ZNF286A: variants seen among roughly 807,000 people sequenced by gnomAD.
ZNF286A encodes the protein zinc finger protein ZNF286.
Under a neutral mutation model 49.3 loss-of-function variants are expected in ZNF286A, and 34 were observed. That is an observed-to-expected ratio of 0.69 (90% CI 0.52 to 0.92). The LOEUF (loss-of-function observed/expected upper bound fraction) is 0.92. Among genes scored for constraint, ZNF286A ranks in the 40% least tolerant of loss-of-function variants. The probability of loss-of-function intolerance (pLI) is 0.00; values close to 1 mark genes in which losing one functional copy is unlikely to be tolerated. For synonymous variants in ZNF286A, 155 were observed against 200.4 expected, an observed-to-expected ratio of 0.77 and a Z score of 1.91; for missense variants, 462 against 600.2, an observed-to-expected ratio of 0.77 and a Z score of 2.41.
intron 5 of ZNF286A, among the ~76,000 whole-genome samples, chr17:15,711,871 G>A (rs1343379064): frequency 2.0e-5 from 1 of 50,586 alleles, no homozygotes; most frequent in South Asian, 6.4e-4. Flanking sequence ...CCCCCCCCCC[G>A]GCTTTTTTTT....
chr17:15,709,483 CTG>C (rs1430037815), intron 5 of ZNF286A, among the ~76,000 whole-genome samples: 1 of 151,760 alleles, frequency 6.6e-6, no homozygotes, highest in Non-Finnish European at 1.5e-5. Context: ...CAGAGGGAGA[CTG>C]TGTCTCAAAA....
intron 5 of ZNF286A, among the ~76,000 whole-genome samples, chr17:15,710,101 G>A (rs570608136): frequency 1.3e-5 from 2 of 152,252 alleles, no homozygotes; most frequent in Admixed American, 1.3e-4. Flanking sequence ...CCCTTTGCCT[G>A]TTTTTTGAGA....
rs530162187 is a variant in ZNF286A, at chr17:15,706,610, G to A, written c.241+109G>A. 2.6e-5 allele frequency: 20 copies of A among 757,544 alleles called. No homozygotes were observed. The Admixed American group carries it at 4.7e-4, about 18-fold the overall frequency. 46.9% of individuals were successfully genotyped at this position (757,544 alleles called of 1,614,324 possible). A position where few individuals can be genotyped will look rare whatever the true frequency, so the allele number is the denominator to read the frequency against. On this transcript the variant is annotated intron_variant, in intron 4 of 5. Coordinates refer to ENST00000583566, the MANE Select transcript of ZNF286A (RefSeq NM_001130842.2). The stretch of plus-strand genomic sequence containing the variant: ...CCTTTGCATTCAGGAGTCAAAAAGT[G>A]TTAATTCTTTTTGGCCTGTGTAGAA...
chr17:15,716,671 A>G lies in ZNF286A; in HGVS notation c.947A>G (p.His316Arg). ...TFTESSSLAT[H>R]QRIHVGERPY... ...ACAGAAAGCTCATCCCTTGCAACACATCAGAGAATTCACGTTGGAGAGAGA... is the reference window on the plus strand; with the variant it reads ...ACAGAAAGCTCATCCCTTGCAACACGTCAGAGAATTCACGTTGGAGAGAGA... Residue 316 changes from histidine (H) to arginine (R), a missense_variant, in exon 6 of 6, where the codon CAT (histidine) becomes CGT (arginine). This residue lies in a region of ZNF286A where 201 missense variants were observed against 311.3 expected (regional missense o/e 0.65). Coordinates refer to ENST00000583566, the MANE Select transcript of ZNF286A (RefSeq NM_001130842.2). 6.2e-7 allele frequency: 1 copy of G among 1,614,100 alleles called. No homozygotes were observed. Among genetic ancestry groups the G allele is most frequent in the South Asian group, 1.1e-5 (1 of 91,080 alleles).
At chr17:15,704,418 G>A in intron 3 of ZNF286A, 20 of 1,607,240 alleles carry the variant, frequency 1.2e-5, no homozygotes, top group Non-Finnish European at 1.7e-5. Context: ...CCCTGCCGCT[G>A]GGCCCGCCGG....
At chr17:15,704,757 C>T (rs1990074373) in intron 3 of ZNF286A, 8 of 1,613,950 alleles carry the variant, frequency 5.0e-6, no homozygotes, top group Admixed American at 3.3e-5. Context: ...CTTCAGGGCC[C>T]TCGATGGTGA....
chr17:15,717,371 A>T lies in ZNF286A; in HGVS notation c.*81A>T. On this transcript the variant is annotated 3_prime_UTR_variant, in exon 6 of 6. Transcript: ENST00000583566. Reference sequence around the variant, plus strand: ...GAGTGTTTAGGTGGAAGGCGCATCCATAATATGCATGTGAGGACCAATTCT... The same window carrying T: ...GAGTGTTTAGGTGGAAGGCGCATCCTTAATATGCATGTGAGGACCAATTCT... The T allele has an allele frequency of 2.8e-6, 4 of 1,417,642 alleles. 1 individual carries two copies. The highest frequency in any genetic ancestry group is 3.0e-5 in the South Asian group (2 of 67,624). The allele number at this position is 1,417,642 out of a possible 1,614,324, so 87.8% of individuals were successfully genotyped here.
At chr17:15,705,931 C>T (rs1352221479) in intron 3 of ZNF286A, among the ~76,000 whole-genome samples, 2 of 152,066 alleles carry the variant, frequency 1.3e-5, no homozygotes, top group South Asian at 2.1e-4. Flanking sequence ...CTTTTCTTTC[C>T]GTGACTTCTC....
At chr17:15,704,415 G>A (rs975049023) in intron 3 of ZNF286A, 110 of 1,606,430 alleles carry the variant, frequency 6.8e-5, no homozygotes, top group Non-Finnish European at 8.7e-5. Context: ...CGGCCCTGCC[G>A]CTGGGCCCGC....
At chr17:15,715,820 T>G (rs1251204036) in intron 5 of ZNF286A, among the ~76,000 whole-genome samples, 2 of 152,220 alleles carry the variant, frequency 1.3e-5, no homozygotes, top group Non-Finnish European at 2.9e-5. Flanking sequence ...TCTACTCTTA[T>G]ATTTTTTGTC....
At chr17:15,709,440 C>T (rs1179140603) in intron 5 of ZNF286A, among the ~76,000 whole-genome samples, 5 of 151,580 alleles carry the variant, frequency 3.3e-5, no homozygotes, top group African/African-American at 1.2e-4. Context: ...TGCAGTGAGC[C>T]GAGATCATGC....
At chr17:15,710,894 A>T (rs1361389439) in intron 5 of ZNF286A, among the ~76,000 whole-genome samples, 10 of 149,816 alleles carry the variant, frequency 6.7e-5, no homozygotes, top group African/African-American at 2.4e-4. Flanking sequence ...CAGTTTTGCT[A>T]TGCATTTTGA....
chr17:15,712,673 A>G (rs1040806058), intron 5 of ZNF286A, among the ~76,000 whole-genome samples: 1 of 152,048 alleles, frequency 6.6e-6, no homozygotes, highest in Admixed American at 6.5e-5. Context: ...TCCTTCATAT[A>G]TTTTTTGTTT....
intron 4 of ZNF286A, 39 bp downstream of exon 4, chr17:15,706,540 G>T (rs781221275): frequency 7.0e-7 from 1 of 1,427,526 alleles, no homozygotes; most frequent in Non-Finnish European, 9.5e-7. Flanking sequence ...GCTTATAGGA[G>T]CATCATTACT....
chr17:15,711,864 C>CT (rs1000202880), intron 5 of ZNF286A, among the ~76,000 whole-genome samples: 2 of 102,032 alleles, frequency 2.0e-5, no homozygotes, highest in African/African-American at 7.5e-5. Context: ...TAATCTGCCC[C>CT]CCCCCCGGCT....
At position 15,706,377 on chromosome 17, in the gene ZNF286A, T is replaced by C. The variant is rs545764883; in HGVS notation, c.127-10T>C. 6.2e-7 allele frequency: 1 copy of C among 1,609,868 alleles called. No homozygotes were observed. Among genetic ancestry groups the C allele is most frequent in the Admixed American group, 1.7e-5 (1 of 60,004 alleles). On this transcript the variant is annotated splice_polypyrimidine_tract_variant and intron_variant, in intron 3 of 5. Coordinates refer to ENST00000583566, the MANE Select transcript of ZNF286A (RefSeq NM_001130842.2). Reference sequence around the variant, plus strand: ...GGGAAAGATGTTGAAAAAAATATTTTATGTTTTAGGAAACAGTGACATTCA... The same window carrying C: ...GGGAAAGATGTTGAAAAAAATATTTCATGTTTTAGGAAACAGTGACATTCA...
rs1171756446 is a variant in ZNF286A at position 15,715,869 on chromosome 17, T to C, written c.335-190T>C. The C allele has an allele frequency of 2.1e-6, 3 of 1,418,388 alleles. No homozygotes were observed. The Admixed American group carries it at 8.3e-5, about 39-fold the overall frequency. The allele number at this position is 1,418,388 out of a possible 1,614,324, so 87.9% of individuals were successfully genotyped here. The stretch of plus-strand genomic sequence containing the variant: ...TCCGACTCTCCTGGATAGGATGTAC[T>C]TATTTTCTCTGCATAGTCTGAGCAT... On this transcript the variant is annotated intron_variant, in intron 5 of 5. Coordinates refer to ENST00000583566, the MANE Select transcript of ZNF286A (RefSeq NM_001130842.2).
At chr17:15,708,473 TCTTC>T (rs1196793332) in intron 5 of ZNF286A, 3 of 370,486 alleles carry the variant, frequency 8.1e-6, no homozygotes, top group Non-Finnish European at 1.4e-5. Flanking sequence ...CTCTTTTCTT[TCTTC>T]CTTTCTTTTT....
intron 5 of ZNF286A, among the ~76,000 whole-genome samples, chr17:15,715,607 A>G (rs1349604321): frequency 2.0e-5 from 3 of 152,134 alleles, no homozygotes; most frequent in Admixed American, 6.5e-5. Context: ...GGAAGATTAA[A>G]CTGGCAATGG....
Sources: gnomAD v4.1 joint callset for allele counts (sites outside exome capture counted in the v4.1 genomes callset) on GRCh38, gnomAD v4.1.1 for gene constraint, gnomAD v4.1.1 regional missense constraint, MANE v1.5 for transcripts, NCBI Gene and HGNC (gene_info 2026-07-23, HGNC 2026-07-21) for gene names.